PRH1: variants seen among roughly 807,000 people sequenced by gnomAD.
PRH1 encodes salivary acidic proline-rich phosphoprotein 1/2.
Under a neutral mutation model 7.9 loss-of-function variants are expected in PRH1, and 7 were observed. That is an observed-to-expected ratio of 0.89 (90% confidence interval 0.50 to 1.67). The LOEUF is 1.67. Among genes scored for constraint, PRH1 ranks in the 40% most tolerant of loss-of-function variants. The probability of loss-of-function intolerance (pLI) is 0.00; values close to 1 mark genes in which losing one functional copy is unlikely to be tolerated. For synonymous variants in PRH1, 45 were observed against 80.8 expected (o/e 0.56, Z 2.38); for missense variants, 109 against 223.6 (o/e 0.49, Z 3.27).
At position 10,972,928 on chromosome 12, in the gene PRH1, A is replaced by ACCG. The variant is rs1938888393; in HGVS notation, c.-59+726_-59+727insCGG. On this transcript the variant is annotated intron_variant, in intron 2 of 3. Coordinates refer to the PRH1 transcript ENST00000539853. ...CAATTAACACGTACAAAGCACCACA[A>ACCG]CCCACCCCCCCCGCCCGCCCACACA... 2.0e-5 allele frequency among the ~76,000 whole-genome samples: 2 copies of ACCG among 100,326 alleles called. 1 individual carries two copies. Among genetic ancestry groups the ACCG allele is most frequent in the Admixed American group, 2.2e-4 (2 of 9,144 alleles). The allele number at this position is 100,326 out of a possible 152,430, so 65.8% of individuals were successfully genotyped here.
intron 2 of PRH1, among the ~76,000 whole-genome samples, chr12:10,917,122 G>A (rs867221068): frequency 3.3e-5 from 5 of 151,874 alleles, no homozygotes. Flanking sequence ...CATATATACA[G>A]ATATGTATAT....
At chr12:11,060,541 T>G (rs1242228509) in intron 1 of PRH1, among the ~76,000 whole-genome samples, 1 of 152,100 alleles carries the variant, frequency 6.6e-6, no homozygotes, top group Non-Finnish European at 1.5e-5. Context: ...AAAAAAAAGC[T>G]TTTCTTTAAT....
chr12:10,947,924 A>AT (rs1389661074), intron 2 of PRH1, among the ~76,000 whole-genome samples: 8 of 152,002 alleles, frequency 5.3e-5, no homozygotes, highest in Non-Finnish European at 8.8e-5. Flanking sequence ...TTGGCTGAAG[A>AT]TTTTTTTCTT....
intron 1 of PRH1, among the ~76,000 whole-genome samples, chr12:11,158,573 T>C (rs1947322037): frequency 6.6e-6 from 1 of 152,198 alleles, no homozygotes; most frequent in Non-Finnish European, 1.5e-5. Context: ...GCAGGCATTA[T>C]TATAGTAGAG....
At chr12:11,039,642 C>A (rs2246971) in intron 1 of PRH1, among the ~76,000 whole-genome samples, 65,995 of 151,118 alleles carry the variant, frequency 0.44, 15,398 homozygotes, top group Non-Finnish European at 0.51. Flanking sequence ...AGGATCATCA[C>A]CAAAGTAGAT....
At chr12:11,061,354 C>T (rs1943592197) in intron 1 of PRH1, 1 of 1,607,746 alleles carries the variant, frequency 6.2e-7, no homozygotes, top group Non-Finnish European at 8.5e-7. Context: ...CACAATGCTG[C>T]TCTTGTGAAT....
intron 1 of PRH1, among the ~76,000 whole-genome samples, chr12:11,029,621 A>C (rs769508124): frequency 5.9e-5 from 9 of 152,260 alleles, no homozygotes; most frequent in Non-Finnish European, 1.2e-4. Context: ...GGAAGAAATG[A>C]CGTTTCTAAC....
intron 2 of PRH1, chr12:10,939,160 T>C: frequency 1.2e-6 from 2 of 1,601,684 alleles, no homozygotes; most frequent in East Asian, 4.5e-5. Context: ...CAATTATAAA[T>C]TCCACAATTA....
intron 2 of PRH1, among the ~76,000 whole-genome samples, chr12:10,936,874 G>C (rs1010142024): frequency 1.3e-5 from 2 of 152,080 alleles, no homozygotes; most frequent in African/African-American, 4.8e-5. Flanking sequence ...AAACAAGTCA[G>C]TCCATAACAG....
At chr12:11,001,170 G>A (rs1474462685) in intron 1 of PRH1, among the ~76,000 whole-genome samples, 1 of 151,552 alleles carries the variant, frequency 6.6e-6, no homozygotes, top group African/African-American at 2.4e-5. Context: ...TTTTAGGGGG[G>A]GATAGCAGCT....
At chr12:11,128,325 T>C (rs990548995) in intron 1 of PRH1, among the ~76,000 whole-genome samples, 1 of 151,776 alleles carries the variant, frequency 6.6e-6, no homozygotes, top group African/African-American at 2.4e-5. Flanking sequence ...TTCTTTTCAG[T>C]TTTTATAGCA....
At chr12:10,969,719 G>A (rs543438809) in intron 2 of PRH1, among the ~76,000 whole-genome samples, 10 of 152,148 alleles carry the variant, frequency 6.6e-5, no homozygotes, top group African/African-American at 2.4e-4. Flanking sequence ...TTTATCATAT[G>A]TATCAATAGC....
intron 1 of PRH1, among the ~76,000 whole-genome samples, chr12:11,038,602 A>G (rs1271670576): frequency 3.3e-5 from 5 of 152,242 alleles, no homozygotes; most frequent in Non-Finnish European, 5.9e-5. Flanking sequence ...ATTCTGTTGT[A>G]AACATGTCAG....
At chr12:10,881,519 T>C (rs1413477288) in intron 3 of PRH1, among the ~76,000 whole-genome samples, 2 of 152,314 alleles carry the variant, frequency 1.3e-5, no homozygotes, top group Admixed American at 1.3e-4. Context: ...GAAAGTTTTC[T>C]AAACAATAAA....
intron 1 of PRH1, among the ~76,000 whole-genome samples, chr12:11,162,987 C>A (rs889540206): frequency 2.6e-5 from 4 of 152,052 alleles, no homozygotes; most frequent in East Asian, 1.9e-4. Context: ...TGAAGTGATA[C>A]CTAATTATTA....
intron 2 of PRH1, chr12:10,895,926 T>C (rs1286297940): frequency 5.9e-5 from 9 of 152,244 alleles, no homozygotes; most frequent in Non-Finnish European, 1.3e-4. Flanking sequence ...CATTGGCTGA[T>C]TGATCCTAGC....
rs187379442 is a variant in PRH1 at position 11,079,536 on chromosome 12, A to T, written n.124-32348T>A. The stretch of plus-strand genomic sequence containing the variant: ...GAAAAATGAAATTCAAAGACATATG[A>T]GACACAAATATCTAAAGCAGTTTTG... On this transcript the variant is annotated intron_variant and non_coding_transcript_variant, in intron 1 of 4. Transcript: ENST00000541977. Among the ~76,000 whole-genome samples, 571 of 121,748 alleles carry T rather than the reference A, an allele frequency of 4.7e-3. 81 individuals are homozygous for T. The highest frequency in any genetic ancestry group is 9.5e-3 in the Non-Finnish European group (488 of 51,612). The allele number at this position is 121,748 out of a possible 152,430, so 79.9% of individuals were successfully genotyped here. A position where few individuals can be genotyped will look rare whatever the true frequency, so the allele number is the denominator to read the frequency against.
At chr12:10,917,221 A>G (rs758288660) in intron 2 of PRH1, among the ~76,000 whole-genome samples, 7 of 152,226 alleles carry the variant, frequency 4.6e-5, no homozygotes, top group African/African-American at 9.6e-5. Context: ...TGAATTCCAT[A>G]GTTAATACCA....
chr12:10,978,833 T>C (rs1939222699), intron 1 of PRH1, among the ~76,000 whole-genome samples: 2 of 152,024 alleles, frequency 1.3e-5, no homozygotes, highest in Admixed American at 1.3e-4. Flanking sequence ...TATGAATGAA[T>C]CATTAAAGAA....
Sources: gnomAD v4.1 joint callset for allele counts (sites outside exome capture counted in the v4.1 genomes callset) on GRCh38, gnomAD v4.1.1 for gene constraint, MANE v1.5 for transcripts, NCBI Gene and HGNC (gene_info 2026-07-23, HGNC 2026-07-21) for gene names.